Variants in GALNT18 observed in about 807,000 individuals in gnomAD.
The protein encoded by GALNT18 is GalNAc-transferase 18.
In GALNT18, 44 loss-of-function variants were observed where a neutral mutation model predicts 69.5. The observed-to-expected ratio is 0.63, with a 90% confidence interval of 0.50 to 0.81. The LOEUF is 0.81. Among genes scored for constraint, GALNT18 ranks in the 40% least tolerant of loss-of-function variants. The probability of loss-of-function intolerance (pLI) is 0.00; values close to 1 mark genes in which losing one functional copy is unlikely to be tolerated. For synonymous variants in GALNT18, 364 were observed against 318.2 expected (o/e 1.14, Z -1.53); for missense variants, 715 against 810.0 (o/e 0.88, Z 1.42).
intron 9 of GALNT18, among the ~76,000 whole-genome samples, chr11:11,326,590 A>G (rs1849923925): frequency 1.3e-5 from 2 of 152,172 alleles, no homozygotes; most frequent in Admixed American, 1.3e-4. Context: ...CCACCAGAAG[A>G]AGGTCAGAAG....
chr11:11,304,238 A>G (rs77092923), intron 9 of GALNT18, among the ~76,000 whole-genome samples: 2,546 of 152,290 alleles, frequency 0.017, 76 homozygotes, highest in African/African-American at 0.055. Flanking sequence ...CTCTGAGTCT[A>G]TAAAAAGGAA....
Position 11,573,843 on chromosome 11 carries a change from G to C in GALNT18, c.235+47516C>G, listed in dbSNP as rs1250950695. 4 of 152,254 alleles carry C rather than the reference G, an allele frequency of 2.6e-5. No homozygotes were observed. The highest frequency in any genetic ancestry group is 2.0e-4 in the Admixed American group (3 of 15,282). The allele number at this position is 152,254 out of a possible 1,614,324, so 9.4% of individuals were successfully genotyped here. On this transcript the variant is annotated intron_variant, in intron 1 of 10. Transcript: ENST00000227756. This position sits in a 1 kb window ranked among gnomAD's most constrained non-coding sequence, Gnocchi z 4.6. ...GGCGATCCTTCCCACTGCAGAAGGCGGGGTGCTGAGCACTGTGCTGGGGCT... is the reference window on the plus strand; with the variant it reads ...GGCGATCCTTCCCACTGCAGAAGGCCGGGTGCTGAGCACTGTGCTGGGGCT...
At position 11,563,644 on chromosome 11, in the gene GALNT18, G is replaced by A. The variant is rs1858569958; in HGVS notation, c.235+57715C>T. Among the ~76,000 whole-genome samples the A allele has an allele frequency of 6.6e-6, 1 of 152,218 alleles. No homozygotes were observed. The highest frequency in any genetic ancestry group is 2.4e-5 in the African/African-American group (1 of 41,466). Reference sequence around the variant, plus strand: ...AAGGCTCAAAGCCTAAGGCTAGCTTGTGGTTGCTGGTGGGGGCCCCACAGC... The same window carrying A: ...AAGGCTCAAAGCCTAAGGCTAGCTTATGGTTGCTGGTGGGGGCCCCACAGC... On this transcript the variant is annotated intron_variant, in intron 1 of 10. Transcript: ENST00000227756. The surrounding 1 kb of genome is among the most constrained non-coding windows in gnomAD (Gnocchi z 4.6).
rs899522850 is a variant in GALNT18, at chr11:11,460,798, C to G, written c.236-11862G>C. 3.3e-5 allele frequency among the ~76,000 whole-genome samples: 5 copies of G among 152,206 alleles called. No homozygotes were observed. The East Asian group carries it at 9.6e-4, about 29-fold the overall frequency. On this transcript the variant is annotated intron_variant, in intron 1 of 10. Transcript: ENST00000227756. ...GTGTGGCTTTCAAAACTCCCTAAAG[C>G]TGCAGTTCTATTGTTAGTTTGTTGT...
At chr11:11,283,717 T>C (rs1384687067) in intron 10 of GALNT18, among the ~76,000 whole-genome samples, 2 of 152,160 alleles carry the variant, frequency 1.3e-5, no homozygotes, top group African/African-American at 2.4e-5. Flanking sequence ...ACATTATTTG[T>C]GTAATACTAC....
chr11:11,476,830 G>A (rs1156937606), intron 1 of GALNT18, among the ~76,000 whole-genome samples: 1 of 152,208 alleles, frequency 6.6e-6, no homozygotes, highest in Non-Finnish European at 1.5e-5. Flanking sequence ...AAGATGCAAT[G>A]GATACCAGAT....
intron 10 of GALNT18, among the ~76,000 whole-genome samples, chr11:11,273,792 T>C (rs928619183): frequency 6.6e-6 from 1 of 152,166 alleles, no homozygotes; most frequent in Admixed American, 6.5e-5. Flanking sequence ...GGAATCAACC[T>C]AAGTATCCAT....
intron 1 of GALNT18, among the ~76,000 whole-genome samples, chr11:11,486,651 T>C (rs1405269144): frequency 6.6e-6 from 1 of 152,258 alleles, no homozygotes; most frequent in Non-Finnish European, 1.5e-5. Flanking sequence ...TGAAGATATG[T>C]CTGACAGCCA....
chr11:11,536,233 A>G (rs1217960598), intron 1 of GALNT18, among the ~76,000 whole-genome samples: 1 of 152,226 alleles, frequency 6.6e-6, no homozygotes, highest in Non-Finnish European at 1.5e-5. Flanking sequence ...GGCACTTTGT[A>G]TACATTTCCT....
At chr11:11,331,064 G>T (rs1230709410) in intron 8 of GALNT18, among the ~76,000 whole-genome samples, 2 of 152,232 alleles carry the variant, frequency 1.3e-5, no homozygotes, top group South Asian at 2.1e-4. Flanking sequence ...TATGGGTGGA[G>T]TGTGGGGCAT....
chr11:11,614,392 G>A lies in GALNT18; in HGVS notation c.235+6967C>T, dbSNP rs937192921. ...AGGAGGAGGAGGAGGAGGAGGAGGA[G>A]GAGGGAGGAGGAGCAGCAAGGCTCT... On this transcript the variant is annotated intron_variant, in intron 1 of 10. Coordinates refer to ENST00000227756, the MANE Select transcript of GALNT18 (RefSeq NM_198516.3). This position sits in a 1 kb window ranked among gnomAD's most constrained non-coding sequence, Gnocchi z 5.6. Among the ~76,000 whole-genome samples, 1 of 150,284 alleles carries A rather than the reference G, an allele frequency of 6.7e-6. No individual in the cohort carries two copies. Among genetic ancestry groups the A allele is most frequent in the Non-Finnish European group, 1.5e-5 (1 of 67,566 alleles).
chr11:11,398,465 A>C (rs1460752701), intron 3 of GALNT18, among the ~76,000 whole-genome samples: 2 of 151,964 alleles, frequency 1.3e-5, no homozygotes, highest in Non-Finnish European at 2.9e-5. Context: ...TTTAATCCCC[A>C]CTCTTTTAAA....
intron 1 of GALNT18, among the ~76,000 whole-genome samples, chr11:11,485,329 T>A (rs575014827): frequency 1.2e-4 from 18 of 152,318 alleles, no homozygotes; most frequent in African/African-American, 4.3e-4. Flanking sequence ...TGACCCACTA[T>A]AAATCAGAGA....
At chr11:11,426,979 T>C (rs2133785138) in intron 3 of GALNT18, among the ~76,000 whole-genome samples, 1 of 152,338 alleles carries the variant, frequency 6.6e-6, no homozygotes. Flanking sequence ...GGGGTCTTGC[T>C]ATGTTGTACA....
chr11:11,408,556 G>A (rs1236841833), intron 3 of GALNT18, among the ~76,000 whole-genome samples: 1 of 151,942 alleles, frequency 6.6e-6, no homozygotes, highest in Non-Finnish European at 1.5e-5. Flanking sequence ...TCTCTTTGGG[G>A]TCACCTGTTG....
chr11:11,612,673 G>A (rs184995977), intron 1 of GALNT18, among the ~76,000 whole-genome samples: 2 of 152,352 alleles, frequency 1.3e-5, no homozygotes, highest in East Asian at 3.9e-4. Flanking sequence ...CAAAGCACCA[G>A]AGCTTGTTAA....
intron 6 of GALNT18, among the ~76,000 whole-genome samples, chr11:11,342,489 TGTTA>T (rs1408302740): frequency 2.0e-5 from 3 of 152,208 alleles, no homozygotes; most frequent in Non-Finnish European, 2.9e-5. Flanking sequence ...GTTTTCCCTG[TGTTA>T]GTTAGGAAGG....
intron 1 of GALNT18, among the ~76,000 whole-genome samples, chr11:11,486,417 C>A (rs993520190): frequency 1.3e-5 from 2 of 152,166 alleles, no homozygotes; most frequent in Admixed American, 6.5e-5. Context: ...GACACTTGCA[C>A]CCCTGTCAAG....
At position 11,339,738 on chromosome 11, in the gene GALNT18, G is replaced by T. The variant is rs1850171112; in HGVS notation, c.1278+1081C>A. 6.6e-6 allele frequency among the ~76,000 whole-genome samples: 1 copy of T among 152,130 alleles called. No homozygotes were observed. The highest frequency in any genetic ancestry group is 6.5e-5 in the Admixed American group (1 of 15,274). ...CCCAACTGCTGAAACCTCACTGATT[G>T]TGGGAGTATGCAACCCAACTCAAGT... On this transcript the variant is annotated intron_variant, in intron 7 of 10. Coordinates refer to ENST00000227756, the MANE Select transcript of GALNT18 (RefSeq NM_198516.3). This position sits in a 1 kb window ranked among gnomAD's most constrained non-coding sequence, Gnocchi z 5.2.
Sources: gnomAD v4.1 joint callset for allele counts (sites outside exome capture counted in the v4.1 genomes callset) on GRCh38, gnomAD v4.1.1 for gene constraint, Gnocchi (gnomAD v3.1) non-coding constraint, MANE v1.5 for transcripts, NCBI Gene and HGNC (gene_info 2026-07-23, HGNC 2026-07-21) for gene names.